The following ATP8A2 variants were observed in gnomAD, a reference collection of about 807,000 sequenced individuals.
The protein encoded by ATP8A2 is phospholipid-transporting ATPase IB.
Under a neutral mutation model 165.6 loss-of-function variants are expected in ATP8A2, and 100 were observed. The observed-to-expected ratio is 0.60, with a 90% CI of 0.51 to 0.71. The LOEUF (loss-of-function observed/expected upper bound fraction) is 0.71, where lower values mean the gene tolerates loss of function less well. Ranked by LOEUF, ATP8A2 falls within the 30% of genes least tolerant of loss-of-function variation. The pLI, the probability that ATP8A2 is intolerant of heterozygous loss-of-function variation, is 0.00. For missense variants in ATP8A2, 1,227 were observed against 1,479.5 expected, an observed-to-expected ratio of 0.83 and a Z score of 2.80; for synonymous variants, 543 against 548.8, an observed-to-expected ratio of 0.99 and a Z score of 0.15.
intron 24 of ATP8A2, among the ~76,000 whole-genome samples, chr13:25,644,296 T>C (rs1465487480): frequency 1.3e-5 from 2 of 152,148 alleles, no homozygotes; most frequent in Non-Finnish European, 2.9e-5. Context: ...TTTTGTCAGA[T>C]GCTTTTCCTA....
intron 2 of ATP8A2, among the ~76,000 whole-genome samples, chr13:25,519,981 A>G (rs907739371): frequency 1.3e-5 from 2 of 152,216 alleles, no homozygotes; most frequent in East Asian, 3.9e-4. Flanking sequence ...TGATACATTC[A>G]TATAGTGTGT....
intron 2 of ATP8A2, among the ~76,000 whole-genome samples, chr13:25,474,142 G>C (rs1400910307): frequency 6.6e-6 from 1 of 152,216 alleles, no homozygotes; most frequent in East Asian, 1.9e-4. Context: ...CTTCATTACA[G>C]TGGTAACTCG....
intron 1 of ATP8A2, among the ~76,000 whole-genome samples, chr13:25,414,186 G>GTTTTTT (rs10528594): frequency 8.4e-6 from 1 of 119,048 alleles, no homozygotes; most frequent in Non-Finnish European, 1.8e-5. Context: ...GGGCTGTGGT[G>GTTTTTT]TTTTTTTTTT....
chr13:25,889,790 C>G (rs1223822391), intron 33 of ATP8A2, among the ~76,000 whole-genome samples: 4 of 151,930 alleles, frequency 2.6e-5, no homozygotes, highest in African/African-American at 9.7e-5. Context: ...CCTCCATGGC[C>G]CATTCCTTAA....
intron 30 of ATP8A2, among the ~76,000 whole-genome samples, chr13:25,858,495 C>T (rs1476049929): frequency 1.3e-5 from 2 of 152,204 alleles, no homozygotes; most frequent in East Asian, 3.8e-4. Context: ...TTCATCTTCC[C>T]TTATCCACAG....
chr13:25,883,175 C>T lies in ATP8A2; in HGVS notation c.3183+20767C>T, dbSNP rs139773917. 2.0e-4 allele frequency among the ~76,000 whole-genome samples: 31 copies of T among 152,224 alleles called. No individual in the cohort carries two copies. The East Asian group carries it at 5.2e-3, about 26-fold the overall frequency. ...ACAGCAGCCATTCACCCTCAGCTCCCCTGCTGTCTCACTCTCTAGCTCTCC... is the reference window on the plus strand; with the variant it reads ...ACAGCAGCCATTCACCCTCAGCTCCTCTGCTGTCTCACTCTCTAGCTCTCC... On this transcript the variant is annotated intron_variant, in intron 33 of 36. Coordinates refer to ENST00000381655, the MANE Select transcript of ATP8A2 (RefSeq NM_016529.6).
chr13:25,377,392 C>T (rs1009352314), intron 1 of ATP8A2, among the ~76,000 whole-genome samples: 1 of 152,198 alleles, frequency 6.6e-6, no homozygotes, highest in Non-Finnish European at 1.5e-5. Context: ...AGGGCAAACA[C>T]AGAAACAGGA....
rs199574141 is a variant in ATP8A2, at chr13:25,563,947, C to G, written c.1398-9C>G. Reference sequence around the variant, plus strand: ...AAATTGAATAAATTTTCTCTGTTCTCTCTTACAGTCGGATGCCTCCTCCCT... The same window carrying G: ...AAATTGAATAAATTTTCTCTGTTCTGTCTTACAGTCGGATGCCTCCTCCCT... On this transcript the variant is annotated splice_polypyrimidine_tract_variant and intron_variant, in intron 15 of 36. Coordinates refer to ENST00000381655, the MANE Select transcript of ATP8A2 (RefSeq NM_016529.6). The G allele has an allele frequency of 1.1e-4, 170 of 1,600,980 alleles. No homozygotes were observed. The African/African-American group carries it at 2.1e-3, about 20-fold the overall frequency.
intron 27 of ATP8A2, among the ~76,000 whole-genome samples, chr13:25,799,796 C>T (rs530509990): frequency 6.6e-6 from 1 of 152,294 alleles, no homozygotes; most frequent in South Asian, 2.1e-4. Flanking sequence ...TGCCGTAAAG[C>T]AGGGGGATGT....
rs1348498938 is a variant in ATP8A2, at chr13:26,021,708, G to A, written c.*1723G>A. ...ACTGTTACTGGTGAAAAATGGGAGT[G>A]GAGAGCATGTTTTGGATTTTCACTG... On this transcript the variant is annotated 3_prime_UTR_variant, in exon 37 of 37. Transcript: ENST00000381655. 3 of 152,110 alleles carry A rather than the reference G, an allele frequency of 2.0e-5. No individual in the cohort carries two copies. The highest frequency in any genetic ancestry group is 4.4e-5 in the Non-Finnish European group (3 of 68,030). The allele number at this position is 152,110 out of a possible 1,614,324, so 9.4% of individuals were successfully genotyped here. A position where few individuals can be genotyped will look rare whatever the true frequency, so the allele number is the denominator to read the frequency against.
intron 22 of ATP8A2, among the ~76,000 whole-genome samples, chr13:25,581,166 A>T (rs1043680807): frequency 4.6e-5 from 7 of 152,112 alleles, no homozygotes; most frequent in Non-Finnish European, 1.0e-4. Context: ...TATGTCCTGG[A>T]GAGACTTGGG....
intron 24 of ATP8A2, among the ~76,000 whole-genome samples, chr13:25,647,528 C>A (rs2041703845): frequency 6.6e-6 from 1 of 151,982 alleles, no homozygotes; most frequent in African/African-American, 2.4e-5. Flanking sequence ...AGAATTTCTT[C>A]TTTGTCTTTG....
intron 33 of ATP8A2, among the ~76,000 whole-genome samples, chr13:25,864,926 C>T (rs1952465631): frequency 6.6e-6 from 1 of 152,212 alleles, no homozygotes; most frequent in African/African-American, 2.4e-5. Context: ...CCAACTTTTA[C>T]ACTGTTTCAC....
chr13:25,531,450 TATATGATTA>T, intron 4 of ATP8A2, among the ~76,000 whole-genome samples: 1 of 33,364 alleles, frequency 3.0e-5, no homozygotes. Context: ...TATGATTATA[TATATGATTA>T]TATATATGTT....
In ATP8A2 at chr13:26,025,475, A is replaced by G. The variant is rs1957152053; in HGVS notation, c.*5490A>G. On this transcript the variant is annotated 3_prime_UTR_variant, in exon 37 of 37. Coordinates refer to ENST00000381655, the MANE Select transcript of ATP8A2 (RefSeq NM_016529.6). ...CACGTGCTCTCCTGTCTGCTGTCACATCTGTGCCTGGATTGCTTAAATATT... is the reference window on the plus strand; with the variant it reads ...CACGTGCTCTCCTGTCTGCTGTCACGTCTGTGCCTGGATTGCTTAAATATT... 1 of 152,210 alleles carries G rather than the reference A, an allele frequency of 6.6e-6. No homozygotes were observed. Among genetic ancestry groups the G allele is most frequent in the Non-Finnish European group, 1.5e-5 (1 of 68,050 alleles). 9.4% of individuals were successfully genotyped at this position (152,210 alleles called of 1,614,324 possible). A position where few individuals can be genotyped will look rare whatever the true frequency, so the allele number is the denominator to read the frequency against.
At chr13:25,788,863 G>A (rs1287606098) in intron 27 of ATP8A2, among the ~76,000 whole-genome samples, 6 of 152,130 alleles carry the variant, frequency 3.9e-5, no homozygotes, top group African/African-American at 9.7e-5. Flanking sequence ...CACATCATCT[G>A]TGGCCTCATC....
intron 34 of ATP8A2, among the ~76,000 whole-genome samples, chr13:25,964,597 T>A (rs1335393507): frequency 6.6e-6 from 1 of 152,170 alleles, no homozygotes; most frequent in Non-Finnish European, 1.5e-5. Flanking sequence ...AAAATATTAA[T>A]CCTGCTTGTC....
At chr13:25,760,180 A>G (rs1344219765) in intron 25 of ATP8A2, among the ~76,000 whole-genome samples, 1 of 152,190 alleles carries the variant, frequency 6.6e-6, no homozygotes, top group Non-Finnish European at 1.5e-5. Context: ...TTAATAAAGA[A>G]TATCAAGTTG....
intron 33 of ATP8A2, among the ~76,000 whole-genome samples, chr13:25,926,873 C>T (rs1490660256): frequency 2.0e-5 from 3 of 152,094 alleles, no homozygotes. Flanking sequence ...TAAATTATTG[C>T]AGAGCTCTCG....
Sources: allele counts gnomAD v4.1 joint callset (sites outside exome capture counted in the v4.1 genomes callset), GRCh38; gene constraint gnomAD v4.1.1; transcripts MANE v1.5; gene names NCBI Gene and HGNC (gene_info 2026-07-23, HGNC 2026-07-21).